Variants in EYS observed in about 807,000 individuals in gnomAD.
The protein encoded by EYS is protein eyes shut homolog.
In EYS, 250 loss-of-function variants were observed where a neutral mutation model predicts 282.1. That is an observed-to-expected ratio of 0.89 (90% CI 0.80 to 0.98). The LOEUF (loss-of-function observed/expected upper bound fraction) is 0.98. Ranked by LOEUF, EYS falls within the 50% of genes least tolerant of loss-of-function variation. The pLI, the probability that EYS is intolerant of heterozygous loss-of-function variation, is 0.00. For missense variants in EYS, 4,016 were observed against 3,709.0 expected, an observed-to-expected ratio of 1.08 and a Z score of -2.15; for synonymous variants, 1,355 against 1,282.9, an observed-to-expected ratio of 1.06 and a Z score of -1.20.
intron 2 of EYS, among the ~76,000 whole-genome samples, chr6:65,543,672 C>T (rs1768268297): frequency 6.6e-6 from 1 of 151,990 alleles, no homozygotes; most frequent in Admixed American, 6.6e-5. Context: ...AAACCATAGT[C>T]AGCACTGATT....
chr6:64,391,021 A>G lies in EYS; in HGVS notation c.5928-2181T>C, dbSNP rs370868479. On this transcript the variant is annotated intron_variant, in intron 28 of 42. Transcript: ENST00000503581. ...ATGCGAATCAACTGAAAGAAAGGGT[A>G]TCAGTGATGGAAGATGAAATGAATG... Among the ~76,000 whole-genome samples, 35 of 152,362 alleles carry G rather than the reference A, an allele frequency of 2.3e-4. No individual in the cohort carries two copies. The East Asian group carries it at 5.0e-3, about 22-fold the overall frequency.
At chr6:64,896,435 C>T (rs1767468554) in intron 18 of EYS, among the ~76,000 whole-genome samples, 1 of 152,150 alleles carries the variant, frequency 6.6e-6, no homozygotes, top group African/African-American at 2.4e-5. Context: ...GTCATTGAAA[C>T]CCACAGACCA....
chr6:64,750,738 T>C (rs549467806), intron 22 of EYS, among the ~76,000 whole-genome samples: 13 of 152,294 alleles, frequency 8.5e-5, no homozygotes, highest in Admixed American at 2.6e-4. Flanking sequence ...AGATAATGCA[T>C]AGAGACTAAC....
intron 22 of EYS, among the ~76,000 whole-genome samples, chr6:64,710,238 T>TTC (rs940598000): frequency 1.3e-5 from 2 of 152,206 alleles, no homozygotes. Flanking sequence ...AATCCATGTC[T>TTC]TCTCATTATG....
chr6:65,262,508 C>CTA lies in EYS; in HGVS notation c.2023+33354_2023+33355insTA, dbSNP rs113744515. Among the ~76,000 whole-genome samples the CTA allele has an allele frequency of 2.7e-3, 406 of 152,112 alleles. 5 individuals carry two copies. The highest frequency in any genetic ancestry group is 0.01 in the Middle Eastern group (3 of 294). ...GCTAGAATGCATGAGATGTAATTATCACTGGGTAACTACAAGAGTGATTTT... is the reference window on the plus strand; with the variant it reads ...GCTAGAATGCATGAGATGTAATTATCTAACTGGGTAACTACAAGAGTGATTTT... On this transcript the variant is annotated intron_variant, in intron 12 of 42. Transcript: ENST00000503581.
chr6:64,813,567 G>C lies in EYS; in HGVS notation c.3254C>G (p.Ser1085Ter). The change falls in exon 22 of 43, where the codon TCA becomes TGA. Residue 1085 changes from serine to a stop codon, truncating the protein, a stop_gained. Coordinates refer to ENST00000503581, the MANE Select transcript of EYS (RefSeq NM_001142800.2). LOFTEE classifies it high-confidence loss of function. ...QCKIKINDCTSIPCMNEGFCQ... is the reference protein window; with the variant it reads ...QCKIKINDCT ...GAAGCCTTCATTCATACAAGGGATT[G>C]ATGTGCAGTCCTAGATTAAGAAATA... The C allele has an allele frequency of 6.5e-7, 1 of 1,547,078 alleles. No homozygotes were observed. Among genetic ancestry groups the C allele is most frequent in the Non-Finnish European group, 8.7e-7 (1 of 1,143,878 alleles).
chr6:64,250,559 T>A (rs1767176700), intron 30 of EYS, among the ~76,000 whole-genome samples: 1 of 152,222 alleles, frequency 6.6e-6, no homozygotes, highest in Non-Finnish European at 1.5e-5. Flanking sequence ...CTTTCAAAAT[T>A]CAAAAGCATT....
chr6:64,676,737 G>A lies in EYS; in HGVS notation c.3444-50492C>T, dbSNP rs142291417. ...AGATCAAGGCGTCAGCAGACTCAGT[G>A]TCTGGTGAGGGCCCGCTTCTTCATA... On this transcript the variant is annotated intron_variant, in intron 22 of 42. Transcript: ENST00000503581. Among the ~76,000 whole-genome samples the A allele has an allele frequency of 3.2e-4, 49 of 152,222 alleles. No homozygotes were observed. The East Asian group carries it at 7.2e-3, about 22-fold the overall frequency.
At chr6:65,301,361 C>T (rs1351074198) in intron 11 of EYS, among the ~76,000 whole-genome samples, 3 of 152,200 alleles carry the variant, frequency 2.0e-5, no homozygotes, top group Non-Finnish European at 2.9e-5. Flanking sequence ...TCTTAGGCAT[C>T]GCGTCATAGA....
chr6:64,221,390 A>C (rs1766096588), intron 31 of EYS, among the ~76,000 whole-genome samples: 1 of 151,996 alleles, frequency 6.6e-6, no homozygotes, highest in Non-Finnish European at 1.5e-5. Context: ...TTTCTCTTTC[A>C]TTGTTTTTCT....
At chr6:65,014,768 A>C (rs942353762) in intron 13 of EYS, among the ~76,000 whole-genome samples, 1 of 152,194 alleles carries the variant, frequency 6.6e-6, no homozygotes, top group Non-Finnish European at 1.5e-5. Context: ...CACTCCCTTC[A>C]CTACCTCCCT....
chr6:65,182,442 G>A (rs1765412965), intron 12 of EYS, among the ~76,000 whole-genome samples: 1 of 150,756 alleles, frequency 6.6e-6, no homozygotes, highest in African/African-American at 2.4e-5. Context: ...TTTCTTAATG[G>A]TTCTTAAGGT....
chr6:64,654,791 A>G (rs1279734477), intron 22 of EYS, among the ~76,000 whole-genome samples: 1 of 152,192 alleles, frequency 6.6e-6, no homozygotes, highest in Non-Finnish European at 1.5e-5. Context: ...CACTTCTGTC[A>G]CTGCAAATTT....
chr6:65,237,174 C>T (rs768095078), intron 12 of EYS, among the ~76,000 whole-genome samples: 7 of 152,042 alleles, frequency 4.6e-5, no homozygotes, highest in Admixed American at 6.6e-5. Flanking sequence ...CGCGAATAAA[C>T]GAAAGCCAAA....
rs1028153281 is a variant in EYS at position 64,913,883 on chromosome 6, C to T, written c.2382-1140G>A. On this transcript the variant is annotated intron_variant, in intron 15 of 42. Coordinates refer to ENST00000503581, the MANE Select transcript of EYS (RefSeq NM_001142800.2). ...TTCGTATTAATATTTGAATAATGTG[C>T]GATAATTGAAGGGAAAGCAAACAAA... Among the ~76,000 whole-genome samples, 10 of 151,888 alleles carry T rather than the reference C, an allele frequency of 6.6e-5. No homozygotes were observed. The South Asian group carries it at 1.5e-3, about 22-fold the overall frequency.
chr6:65,036,702 T>C (rs1772782506), intron 13 of EYS, among the ~76,000 whole-genome samples: 2 of 151,296 alleles, frequency 1.3e-5, no homozygotes, highest in South Asian at 4.1e-4. Context: ...TGACTAAATC[T>C]ATAAAAAAAA....
At chr6:64,665,678 A>G (rs1266155497) in intron 22 of EYS, among the ~76,000 whole-genome samples, 1 of 152,204 alleles carries the variant, frequency 6.6e-6, no homozygotes, top group Non-Finnish European at 1.5e-5. Flanking sequence ...CTATGCTTCA[A>G]TTGAACCAAT....
chr6:64,277,589 GA>G (rs1445384792), intron 30 of EYS, among the ~76,000 whole-genome samples: 1 of 152,096 alleles, frequency 6.6e-6, no homozygotes, highest in Non-Finnish European at 1.5e-5. Flanking sequence ...AATGTCCATA[GA>G]ATCCAGAAAG....
chr6:63,852,821 G>A (rs761963748), intron 36 of EYS, among the ~76,000 whole-genome samples: 26 of 152,098 alleles, frequency 1.7e-4, no homozygotes, highest in African/African-American at 6.0e-4. Context: ...TGCAAGGGTG[G>A]TTCTACATAT....
Sources: gnomAD v4.1 joint callset for allele counts (sites outside exome capture counted in the v4.1 genomes callset) on GRCh38, gnomAD v4.1.1 for gene constraint, MANE v1.5 for transcripts, NCBI Gene and HGNC (gene_info 2026-07-23, HGNC 2026-07-21) for gene names.